Variants in GKAP1 observed in about 807,000 individuals in gnomAD.
The protein encoded by GKAP1 is G kinase-anchoring protein 1.
GKAP1 carries 31 observed loss-of-function variants against 56.7 expected under a neutral mutation model. The observed-to-expected ratio is 0.55, with a 90% CI of 0.41 to 0.74. The LOEUF (loss-of-function observed/expected upper bound fraction) is 0.74, where lower values mean the gene tolerates loss of function less well. Among genes scored for constraint, GKAP1 ranks in the 30% least tolerant of loss-of-function variants. The probability of loss-of-function intolerance (pLI) is 0.00; values close to 1 mark genes in which losing one functional copy is unlikely to be tolerated. For synonymous variants in GKAP1, 151 were observed against 138.6 expected (o/e 1.09, Z -0.63); for missense variants, 364 against 402.3 (o/e 0.90, Z 0.82).
In GKAP1 at chr9:83,784,740, T is replaced by G. The variant is rs777676688; in HGVS notation, c.537A>C (p.Val179=). ...NHQGKDRPLT[V]SLKDFHSEDH... The stretch of plus-strand genomic sequence containing the variant: ...CTTCCGAATGAAAATCTTTTAGTGA[T>G]ACTGTGAGAGGTCTGTCTTTTCCCT... The change falls in exon 6 of 13, where the codon GTA becomes GTC. Residue 179 remains valine (V), a synonymous_variant. Transcript: ENST00000376371. 8 of 1,599,160 alleles carry G rather than the reference T, an allele frequency of 5.0e-6. No individual in the cohort carries two copies. Among genetic ancestry groups the G allele is most frequent in the Non-Finnish European group, 6.8e-6 (8 of 1,172,498 alleles).
chr9:83,801,387 C>T (rs572960474), intron 3 of GKAP1, among the ~76,000 whole-genome samples: 9 of 133,584 alleles, frequency 6.7e-5, no homozygotes, highest in African/African-American at 2.7e-4. Flanking sequence ...TTTAAGCCAC[C>T]AAGTTTGTGT....
intron 3 of GKAP1, among the ~76,000 whole-genome samples, chr9:83,802,883 G>A (rs541596498): frequency 1.3e-5 from 2 of 151,954 alleles, no homozygotes; most frequent in South Asian, 4.1e-4. Context: ...TATAATCCCA[G>A]CACTTTGGGA....
chr9:83,801,147 A>G (rs1944325078), intron 3 of GKAP1, among the ~76,000 whole-genome samples: 1 of 152,162 alleles, frequency 6.6e-6, no homozygotes, highest in Admixed American at 6.5e-5. Flanking sequence ...TCCTTATACA[A>G]AGAGGTGAAG....
intron 4 of GKAP1, among the ~76,000 whole-genome samples, chr9:83,797,794 T>A (rs1944271949): frequency 6.6e-6 from 1 of 152,252 alleles, no homozygotes; most frequent in Admixed American, 6.5e-5. Flanking sequence ...GGTGCAAATT[T>A]GAGTAGTTTT....
intron 6 of GKAP1, 125 bp downstream of exon 6, chr9:83,784,590 T>C (rs1407542358): frequency 4.3e-6 from 3 of 690,148 alleles, no homozygotes; most frequent in Non-Finnish European, 6.8e-6. Context: ...TTACATTTTT[T>C]ACATTCTACA....
intron 9 of GKAP1, among the ~76,000 whole-genome samples, chr9:83,752,607 T>C (rs991658477): frequency 3.9e-5 from 6 of 152,238 alleles, no homozygotes; most frequent in Non-Finnish European, 7.4e-5. Context: ...CCTGGGATGA[T>C]GAAAAAGTTC....
intron 6 of GKAP1, among the ~76,000 whole-genome samples, chr9:83,781,974 G>T (rs1260192408): frequency 2.6e-5 from 4 of 151,362 alleles, no homozygotes; most frequent in African/African-American, 7.3e-5. Flanking sequence ...CTCCCGAGTA[G>T]TTGGGACTAC....
In GKAP1 at chr9:83,760,850, G is replaced by T. The variant is rs537850668; in HGVS notation, c.739-7491C>A. On this transcript the variant is annotated intron_variant, in intron 8 of 12. Transcript: ENST00000376371. ...ATGGAAATAACACACCAAAAGCTAT[G>T]GAATACAATAAATGCAGTACTAAGA... Among the ~76,000 whole-genome samples, 7 of 151,984 alleles carry T rather than the reference G, an allele frequency of 4.6e-5. No individual in the cohort carries two copies. The East Asian group carries it at 1.4e-3, about 29-fold the overall frequency.
In GKAP1 at chr9:83,779,497, A is replaced by G. The variant is rs532155645; in HGVS notation, c.585+885T>C. ...TACATATACATACATATATACACAT[A>G]TACACATATATGTGTATATATATAC... On this transcript the variant is annotated intron_variant, in intron 7 of 12. Coordinates refer to ENST00000376371, the MANE Select transcript of GKAP1 (RefSeq NM_025211.4). Among the ~76,000 whole-genome samples, 79 of 143,122 alleles carry G rather than the reference A, an allele frequency of 5.5e-4. 1 individual carries two copies. The highest frequency in any genetic ancestry group is 1.9e-3 in the African/African-American group (73 of 38,956). 93.9% of individuals were successfully genotyped at this position (143,122 alleles called of 152,430 possible).
At chr9:83,791,030 A>G (rs1250093381) in intron 4 of GKAP1, among the ~76,000 whole-genome samples, 2 of 152,168 alleles carry the variant, frequency 1.3e-5, no homozygotes, top group African/African-American at 2.4e-5. Flanking sequence ...GTTAGATGTC[A>G]TTTTTATTTT....
chr9:83,750,573 C>T (rs193272311), intron 9 of GKAP1, among the ~76,000 whole-genome samples: 10 of 152,304 alleles, frequency 6.6e-5, no homozygotes, highest in African/African-American at 2.4e-4. Flanking sequence ...ATTTTACATT[C>T]CCACCAGCAG....
At chr9:83,797,018 T>C (rs1944259133) in intron 4 of GKAP1, among the ~76,000 whole-genome samples, 1 of 152,214 alleles carries the variant, frequency 6.6e-6, no homozygotes, top group African/African-American at 2.4e-5. Flanking sequence ...TTTTCCTTCA[T>C]GTGGCAGAAA....
chr9:83,744,274 T>C (rs1272230871), intron 10 of GKAP1, among the ~76,000 whole-genome samples: 4 of 152,240 alleles, frequency 2.6e-5, no homozygotes. Flanking sequence ...ATGAGGTTGA[T>C]GTATTAGGTA....
intron 3 of GKAP1, among the ~76,000 whole-genome samples, chr9:83,803,438 G>A (rs1312242662): frequency 6.6e-6 from 1 of 152,182 alleles, no homozygotes; most frequent in Non-Finnish European, 1.5e-5. Context: ...CTTTTTTGGT[G>A]GAGACGGGGT....
intron 8 of GKAP1, 152 bp downstream of exon 8, chr9:83,768,666 A>T (rs1320191137): frequency 1.5e-6 from 1 of 666,292 alleles, no homozygotes; most frequent in Non-Finnish European, 2.5e-6. Context: ...ATACTTTTTA[A>T]TATAAATACC....
At chr9:83,791,402 CA>C (rs141346430) in intron 4 of GKAP1, among the ~76,000 whole-genome samples, 77,744 of 136,958 alleles carry the variant, frequency 0.57, 21,304 homozygotes, top group Admixed American at 0.7. Context: ...GACTCCGTCT[CA>C]AAAAAAAAAA....
At chr9:83,801,951 A>G (rs773335274) in intron 3 of GKAP1, among the ~76,000 whole-genome samples, 1 of 152,202 alleles carries the variant, frequency 6.6e-6, no homozygotes, top group Non-Finnish European at 1.5e-5. Context: ...AATAAACTGA[A>G]AAGGCTTTTT....
chr9:83,811,467 T>C (rs1659504468), intron 2 of GKAP1, among the ~76,000 whole-genome samples: 1 of 152,148 alleles, frequency 6.6e-6, no homozygotes, highest in Admixed American at 6.5e-5. Flanking sequence ...CTTGAATGAA[T>C]GAAAAGAAGT....
At chr9:83,748,480 A>G in intron 9 of GKAP1, 108 bp from the exon 10 acceptor site, 1 of 607,562 alleles carries the variant, frequency 1.6e-6, no homozygotes, top group Non-Finnish European at 2.8e-6. Context: ...CAAAGATATA[A>G]TTACTTTAGA....
Sources: gnomAD v4.1 joint callset for allele counts (sites outside exome capture counted in the v4.1 genomes callset) on GRCh38, gnomAD v4.1.1 for gene constraint, MANE v1.5 for transcripts, NCBI Gene and HGNC (gene_info 2026-07-23, HGNC 2026-07-21) for gene names.